Variants in PLCL1 observed in about 807,000 individuals in gnomAD.
PLCL1 encodes inactive phospholipase C-like protein 1.
PLCL1 carries 41 observed loss-of-function variants against 84.4 expected under a neutral mutation model. The observed-to-expected ratio is 0.49, with a 90% CI of 0.38 to 0.63. The LOEUF is 0.63. Ranked by LOEUF, PLCL1 falls within the 30% of genes least tolerant of loss-of-function variation. The pLI is 0.00. For missense variants in PLCL1, 1,206 were observed against 1,367.8 expected, an observed-to-expected ratio of 0.88 and a Z score of 1.87; for synonymous variants, 490 against 488.3, an observed-to-expected ratio of 1.00 and a Z score of -0.05.
rs760577848 is a variant in PLCL1 at position 197,983,200 on chromosome 2, C to CTTTT, written c.241-100522_241-100519dup. Among the ~76,000 whole-genome samples, 8 of 60,278 alleles carry CTTTT rather than the reference C, an allele frequency of 1.3e-4. 1 individual carries two copies. The highest frequency in any genetic ancestry group is 2.4e-4 in the Non-Finnish European group (8 of 33,146). The allele number at this position is 60,278 out of a possible 152,430, so 39.5% of individuals were successfully genotyped here. On this transcript the variant is annotated intron_variant, in intron 1 of 5. Transcript: ENST00000428675. ...TTTCTTTTTCTTTTTCTTTTCTTTTCTTTTTTTTTTTTTTTTTTTTTTTTT... is the reference window on the plus strand; with the variant it reads ...TTTCTTTTTCTTTTTCTTTTCTTTTCTTTTTTTTTTTTTTTTTTTTTTTTTTTTT...
intron 3 of PLCL1, among the ~76,000 whole-genome samples, chr2:198,100,018 A>G (rs1693292890): frequency 6.6e-6 from 1 of 152,166 alleles, no homozygotes; most frequent in Non-Finnish European, 1.5e-5. Flanking sequence ...AGAGTGGAGA[A>G]ATCTAGAGAC....
intron 3 of PLCL1, among the ~76,000 whole-genome samples, chr2:198,090,332 T>C (rs543143513): frequency 2.6e-5 from 4 of 151,976 alleles, no homozygotes; most frequent in African/African-American, 9.6e-5. Flanking sequence ...TAGCAGGTTA[T>C]TAATAGTGAA....
At chr2:197,829,491 A>G (rs1677338407) in intron 1 of PLCL1, among the ~76,000 whole-genome samples, 1 of 152,192 alleles carries the variant, frequency 6.6e-6, no homozygotes, top group African/African-American at 2.4e-5. Flanking sequence ...ATCCATTTTT[A>G]AATTTTATGT....
intron 1 of PLCL1, among the ~76,000 whole-genome samples, chr2:197,952,567 T>C (rs1480356382): frequency 6.6e-6 from 1 of 152,168 alleles, no homozygotes; most frequent in Admixed American, 6.6e-5. Flanking sequence ...CCATTCTTGG[T>C]AAGCAGTATT....
At chr2:198,073,935 G>C (rs1692519996) in intron 1 of PLCL1, among the ~76,000 whole-genome samples, 1 of 152,100 alleles carries the variant, frequency 6.6e-6, no homozygotes, top group Admixed American at 6.5e-5. Context: ...TTGAAATTTA[G>C]TCTCCTTGTC....
chr2:198,119,321 T>C (rs1440258281), intron 5 of PLCL1, among the ~76,000 whole-genome samples: 1 of 152,014 alleles, frequency 6.6e-6, no homozygotes, highest in Non-Finnish European at 1.5e-5. Context: ...GCCTAAGACT[T>C]GAGTGAGAGA....
intron 1 of PLCL1, among the ~76,000 whole-genome samples, chr2:197,896,830 T>A (rs1688144330): frequency 6.7e-6 from 1 of 149,630 alleles, no homozygotes. Context: ...GTGATTGGTC[T>A]CTGTTTTACA....
chr2:197,975,314 G>A (rs1386559134), intron 1 of PLCL1, among the ~76,000 whole-genome samples: 1 of 152,106 alleles, frequency 6.6e-6, no homozygotes, highest in Non-Finnish European at 1.5e-5. Context: ...GGAAACAGAA[G>A]CTTAAGGTGA....
chr2:198,110,791 A>C (rs1693600201), intron 5 of PLCL1, among the ~76,000 whole-genome samples: 1 of 151,844 alleles, frequency 6.6e-6, no homozygotes, highest in Non-Finnish European at 1.5e-5. Flanking sequence ...TAAAGAAGGA[A>C]CATGCCCAGT....
In PLCL1 at chr2:197,805,067, C is replaced by T; in HGVS notation, c.-33C>T. ...CTGGACTCCGCTGCCGGGCGTCCCG[C>T]TTTCCCCCGGGGAGCCCTAAACGCT... On this transcript the variant is annotated 5_prime_UTR_variant, in exon 1 of 6. Coordinates refer to ENST00000428675, the MANE Select transcript of PLCL1 (RefSeq NM_006226.4). The surrounding 1 kb of genome is among the most constrained non-coding windows in gnomAD (Gnocchi z 4.0). 1 of 1,422,604 alleles carries T rather than the reference C, an allele frequency of 7.0e-7. No individual in the cohort carries two copies. Among genetic ancestry groups the T allele is most frequent in the East Asian group, 3.1e-5 (1 of 32,440 alleles). 88.1% of individuals were successfully genotyped at this position (1,422,604 alleles called of 1,614,324 possible).
chr2:198,093,224 A>C (rs1447533687), intron 3 of PLCL1, among the ~76,000 whole-genome samples: 1 of 152,228 alleles, frequency 6.6e-6, no homozygotes. Flanking sequence ...GATACATGTC[A>C]TTATACACTA....
intron 1 of PLCL1, among the ~76,000 whole-genome samples, chr2:197,995,610 C>T (rs962432757): frequency 6.6e-6 from 1 of 152,040 alleles, no homozygotes; most frequent in Non-Finnish European, 1.5e-5. Flanking sequence ...GAGAGCACAG[C>T]ATGGGAAGGC....
At chr2:197,874,442 T>C (rs948779284) in intron 1 of PLCL1, among the ~76,000 whole-genome samples, 5 of 152,126 alleles carry the variant, frequency 3.3e-5, no homozygotes, top group Non-Finnish European at 4.4e-5. Context: ...TTGTTTTTTA[T>C]AATGAAATGA....
chr2:197,886,703 G>A (rs1307335632), intron 1 of PLCL1, among the ~76,000 whole-genome samples: 1 of 152,210 alleles, frequency 6.6e-6, no homozygotes. Context: ...GACACTAAGG[G>A]CTATTTGATG....
rs536569383 is a variant in PLCL1, at chr2:197,996,014, A to G, written c.241-87744A>G. 5.9e-5 allele frequency among the ~76,000 whole-genome samples: 9 copies of G among 152,304 alleles called. 1 individual carries two copies. Among genetic ancestry groups the G allele is most frequent in the African/African-American group, 2.2e-4 (9 of 41,574 alleles). The stretch of plus-strand genomic sequence containing the variant: ...GTATTTGGGAAGTGGGGATGATTGC[A>G]AGGTTTATGCCTGCAGCGACAGGGA... On this transcript the variant is annotated intron_variant, in intron 1 of 5. Coordinates refer to ENST00000428675, the MANE Select transcript of PLCL1 (RefSeq NM_006226.4).
intron 4 of PLCL1, among the ~76,000 whole-genome samples, chr2:198,103,186 C>T (rs935040923): frequency 3.3e-5 from 5 of 152,024 alleles, no homozygotes; most frequent in Non-Finnish European, 7.4e-5. Context: ...GCCATTGACA[C>T]ATCAGACCAT....
chr2:198,092,315 T>C (rs1397150335), intron 3 of PLCL1, among the ~76,000 whole-genome samples: 1 of 152,212 alleles, frequency 6.6e-6, no homozygotes, highest in East Asian at 1.9e-4. Context: ...TCCAGCCTCA[T>C]TCTCACACCC....
intron 3 of PLCL1, among the ~76,000 whole-genome samples, chr2:198,099,906 G>T (rs2105911006): frequency 6.6e-6 from 1 of 152,136 alleles, no homozygotes; most frequent in Non-Finnish European, 1.5e-5. Context: ...TTCTACAGGG[G>T]TAATCCTATT....
chr2:198,088,875 T>C lies in PLCL1; in HGVS notation c.2733T>C (p.Ile911=). The C allele has an allele frequency of 6.2e-7, 1 of 1,609,226 alleles. No individual in the cohort carries two copies. The change falls in exon 3 of 6, where the codon ATT becomes ATC. Residue 911 remains isoleucine (I), a synonymous_variant. Coordinates refer to ENST00000428675, the MANE Select transcript of PLCL1 (RefSeq NM_006226.4). Reference sequence around the variant, plus strand: ...CCTCACAGAATGCAATCGTGTCTATTAAGGAACTATGTGGACTCCCTCCAA... The same window carrying C: ...CCTCACAGAATGCAATCGTGTCTATCAAGGAACTATGTGGACTCCCTCCAA... ...RENMQNAIVS[I]KELCGLPPIA...
Sources: allele counts gnomAD v4.1 joint callset (sites outside exome capture counted in the v4.1 genomes callset), GRCh38; gene constraint gnomAD v4.1.1; non-coding constraint Gnocchi (gnomAD v3.1); transcripts MANE v1.5; gene names NCBI Gene and HGNC (gene_info 2026-07-23, HGNC 2026-07-21).